EDA: variants seen among roughly 807,000 people sequenced by gnomAD.
EDA encodes ectodysplasin A, also known as ectodysplasin-A.
Under a neutral mutation model 23.6 loss-of-function variants are expected in EDA, and 2 were observed. That is an observed-to-expected ratio of 0.08 (90% confidence interval 0.03 to 0.27). The LOEUF is 0.27. Ranked by LOEUF, EDA falls within the 10% of genes least tolerant of loss-of-function variation. EDA has a pLI of 1.00. For missense variants in EDA, 229 were observed against 324.2 expected, an observed-to-expected ratio of 0.71 and a Z score of 2.26; for synonymous variants, 131 against 132.0, an observed-to-expected ratio of 0.99 and a Z score of 0.05.
intron 3 of EDA, among the ~76,000 whole-genome samples, chrX:70,025,753 T>C (rs1055370367): frequency 8.9e-5 from 10 of 112,029 alleles, no homozygotes; most frequent in Non-Finnish European, 1.3e-4. Context: ...ATTGGCTAGA[T>C]CTAGAAACGG....
chrX:69,624,588 C>T (rs1193737246), intron 1 of EDA, among the ~76,000 whole-genome samples: 1 of 111,425 alleles, frequency 9.0e-6, no homozygotes, highest in African/African-American at 3.3e-5. Flanking sequence ...CTCACATCTC[C>T]TTAATTCAAT....
intron 2 of EDA, 167 bp from the exon 3 acceptor site, chrX:70,023,051 G>C (rs1158221317): frequency 3.0e-6 from 1 of 338,933 alleles, no homozygotes; most frequent in East Asian, 4.6e-5. Flanking sequence ...TCAGAAGACA[G>C]AATGGGGAGG....
rs1280027803 is a variant in EDA, at chrX:69,679,033, G to C, written c.396+62329G>C. ...TTTATTGAGAGTTTTTAGCATGAAG[G>C]GTTGTTGAATTTTGTCAAAGGCGTT... On this transcript the variant is annotated intron_variant, in intron 1 of 7. Transcript: ENST00000374552. Among the ~76,000 whole-genome samples, 125 of 93,992 alleles carry C rather than the reference G, an allele frequency of 1.3e-3. 3 individuals carry two copies. In the East Asian group the frequency reaches 0.038, roughly 29 times the overall value. The allele number at this position is 93,992 out of a possible 115,157, so 81.6% of individuals were successfully genotyped here.
chrX:69,674,887 C>T (rs146504897), intron 1 of EDA, among the ~76,000 whole-genome samples: 2 of 112,140 alleles, frequency 1.8e-5, no homozygotes, highest in Non-Finnish European at 3.8e-5. Flanking sequence ...TATTTTGGTT[C>T]TCTTGTTGCC....
chrX:69,682,156 C>A (rs1478816546), intron 1 of EDA, among the ~76,000 whole-genome samples: 1 of 112,460 alleles, frequency 8.9e-6, no homozygotes, highest in Non-Finnish European at 1.9e-5. Flanking sequence ...CAGGGACCCG[C>A]TTGTGGAGGC....
rs750060943 is a variant in EDA at position 69,761,390 on chromosome X, A to G, written c.396+144686A>G. On this transcript the variant is annotated intron_variant, in intron 1 of 7. Transcript: ENST00000374552. ...AGTTATCATTTATTTAGCACATTAT[A>G]GTTTATGAAGTACTTTTACATACAG... Among the ~76,000 whole-genome samples the G allele has an allele frequency of 6.3e-5, 7 of 111,844 alleles. No individual in the cohort carries two copies. The East Asian group carries it at 2.0e-3, about 32-fold the overall frequency.
intron 1 of EDA, among the ~76,000 whole-genome samples, chrX:69,760,960 A>C (rs1159821940): frequency 9.0e-6 from 1 of 111,366 alleles, no homozygotes; most frequent in Non-Finnish European, 1.9e-5. Context: ...CTGGGAAGCC[A>C]GTGAAGTTTT....
chrX:70,004,157 A>G (rs1157153434), intron 2 of EDA, among the ~76,000 whole-genome samples: 1 of 112,203 alleles, frequency 8.9e-6, no homozygotes, highest in African/African-American at 3.2e-5. Context: ...CTCTTTTAGT[A>G]CTGTCTTAAC....
Position 69,751,458 on chromosome X carries a change from C to T in EDA, c.396+134754C>T, listed in dbSNP as rs188067424. Among the ~76,000 whole-genome samples the T allele has an allele frequency of 2.8e-3, 313 of 112,043 alleles. 2 individuals carry two copies. The highest frequency in any genetic ancestry group is 9.4e-3 in the African/African-American group (290 of 30,736). The stretch of plus-strand genomic sequence containing the variant: ...TAGTATAGTTTGAAGTCAGGTAGCG[C>T]GATGCCTCCAGCTTTGTTCTTTTTG... On this transcript the variant is annotated intron_variant, in intron 1 of 7. Transcript: ENST00000374552.
At chrX:69,722,570 A>C (rs1484768751) in intron 1 of EDA, among the ~76,000 whole-genome samples, 3 of 111,784 alleles carry the variant, frequency 2.7e-5, no homozygotes, top group African/African-American at 9.8e-5. Flanking sequence ...TTGCAATTTG[A>C]AATCCCTTTT....
At chrX:69,635,341 A>G (rs1932753371) in intron 1 of EDA, among the ~76,000 whole-genome samples, 1 of 111,315 alleles carries the variant, frequency 9.0e-6, no homozygotes, top group Non-Finnish European at 1.9e-5. Flanking sequence ...ATATCTGCTG[A>G]GCTCCAGTAG....
At chrX:69,903,903 C>T (rs774884493) in intron 1 of EDA, among the ~76,000 whole-genome samples, 47 of 110,285 alleles carry the variant, frequency 4.3e-4, no homozygotes, top group African/African-American at 1.4e-3. Context: ...CTTTGCCTCC[C>T]GGGTTAAAGT....
chrX:69,719,991 G>A (rs927635390), intron 1 of EDA, among the ~76,000 whole-genome samples: 51 of 110,392 alleles, frequency 4.6e-4, no homozygotes, highest in Admixed American at 1.7e-3. Flanking sequence ...CTCATAATCC[G>A]CCTGCCTCGG....
intron 1 of EDA, among the ~76,000 whole-genome samples, chrX:69,691,105 T>C: frequency 8.9e-6 from 1 of 111,932 alleles, no homozygotes; most frequent in Middle Eastern, 4.6e-3. Context: ...AGTAGCAAAT[T>C]AATCATTTGA....
chrX:69,877,142 G>A (rs1191153454), intron 1 of EDA, among the ~76,000 whole-genome samples: 3 of 111,834 alleles, frequency 2.7e-5, no homozygotes, highest in African/African-American at 9.8e-5. Flanking sequence ...GCCCATCTCT[G>A]TGAATATATA....
At chrX:69,861,082 A>G (rs2017375981) in intron 1 of EDA, 6 of 424,035 alleles carry the variant, frequency 1.4e-5, no homozygotes. Flanking sequence ...TATGACTTAT[A>G]GATCCTCACC....
intron 2 of EDA, among the ~76,000 whole-genome samples, chrX:70,003,825 G>A (rs758135295): frequency 8.9e-6 from 1 of 111,817 alleles, no homozygotes; most frequent in Non-Finnish European, 1.9e-5. Context: ...CCTTAACCAT[G>A]TGTTTCCCAG....
chrX:69,737,891 C>G (rs937999113), intron 1 of EDA, among the ~76,000 whole-genome samples: 4 of 110,310 alleles, frequency 3.6e-5, no homozygotes, highest in Non-Finnish European at 7.6e-5. Flanking sequence ...ATATGTCACT[C>G]CCCTGTCTTT....
chrX:69,832,449 A>G lies in EDA; in HGVS notation c.397-124578A>G, dbSNP rs760276611. 3.5e-4 allele frequency among the ~76,000 whole-genome samples: 39 copies of G among 111,713 alleles called. No homozygotes were observed. The East Asian group carries it at 8.5e-3, about 24-fold the overall frequency. ...GTTTTGGTTACTGTAGCCTTGTAGT[A>G]TAGTTTGAAGTCAGGTAGCATGATG... is the stretch of plus-strand genomic sequence containing the variant. On this transcript the variant is annotated intron_variant, in intron 1 of 7. Transcript: ENST00000374552.
Sources: gnomAD v4.1 joint callset for allele counts (sites outside exome capture counted in the v4.1 genomes callset) on GRCh38, gnomAD v4.1.1 for gene constraint, MANE v1.5 for transcripts, NCBI Gene and HGNC (gene_info 2026-07-23, HGNC 2026-07-21) for gene names.